The following PLXNA4 variants were observed in gnomAD, a reference collection of about 807,000 sequenced individuals.
The protein encoded by PLXNA4 is plexin A4.
A neutral mutation model predicts 191.8 loss-of-function variants in PLXNA4; 44 were observed. That is an observed-to-expected ratio of 0.23 (90% CI 0.18 to 0.29). The LOEUF is 0.29. Among genes scored for constraint, PLXNA4 ranks in the 10% least tolerant of loss-of-function variants. PLXNA4 has a pLI of 1.00. For missense variants in PLXNA4, 1,800 were observed against 2,488.8 expected (o/e 0.72, Z 5.89); for synonymous variants, 1,082 against 1,009.5 (o/e 1.07, Z -1.36).
intron 3 of PLXNA4, among the ~76,000 whole-genome samples, chr7:132,341,891 G>A (rs1011837480): frequency 2.0e-5 from 3 of 152,126 alleles, no homozygotes; most frequent in Non-Finnish European, 2.9e-5. Flanking sequence ...ATTATCTAAT[G>A]AGAAAAATAA....
At chr7:132,368,740 G>A (rs1327712282) in intron 3 of PLXNA4, among the ~76,000 whole-genome samples, 1 of 152,224 alleles carries the variant, frequency 6.6e-6, no homozygotes, top group African/African-American at 2.4e-5. Flanking sequence ...GCAGACGTCT[G>A]CTGAGGAGCT....
In PLXNA4 at chr7:132,203,319, A is replaced by G; in HGVS notation, c.2395+4T>C. Reference sequence around the variant, plus strand: ...TCCCCTGCTAGGCCCCAGCCCTTCCACACCTTTATTCTGAGCTGGGTTGTC... The same window carrying G: ...TCCCCTGCTAGGCCCCAGCCCTTCCGCACCTTTATTCTGAGCTGGGTTGTC... On this transcript the variant is annotated splice_donor_region_variant and intron_variant, in intron 11 of 31. Coordinates refer to ENST00000321063, the MANE Select transcript of PLXNA4 (RefSeq NM_020911.2). The G allele has an allele frequency of 6.2e-7, 1 of 1,608,996 alleles. No homozygotes were observed. The highest frequency in any genetic ancestry group is 1.7e-4 in the Middle Eastern group (1 of 6,054).
chr7:132,507,494 C>A lies in PLXNA4; in HGVS notation c.1188+12G>T. The A allele has an allele frequency of 6.2e-7, 1 of 1,602,374 alleles. No individual in the cohort carries two copies. The highest frequency in any genetic ancestry group is 8.5e-7 in the Non-Finnish European group (1 of 1,174,834). ...CCCAACCATCCCAGCGCGCAGCCCTCCCTGTACTCACCGCACTGCTGCAGG... is the reference window on the plus strand; with the variant it reads ...CCCAACCATCCCAGCGCGCAGCCCTACCTGTACTCACCGCACTGCTGCAGG... On this transcript the variant is annotated intron_variant, in intron 2 of 31. Coordinates refer to ENST00000321063, the MANE Select transcript of PLXNA4 (RefSeq NM_020911.2).
chr7:132,552,077 G>A (rs1280540212), intron 1 of PLXNA4, among the ~76,000 whole-genome samples: 1 of 152,152 alleles, frequency 6.6e-6, no homozygotes, highest in African/African-American at 2.4e-5. Context: ...ATGCAGCCAA[G>A]ATGCAGCCGA....
chr7:132,554,989 G>C (rs1800724945), intron 1 of PLXNA4, among the ~76,000 whole-genome samples: 1 of 142,924 alleles, frequency 7.0e-6, no homozygotes, highest in African/African-American at 2.7e-5. Context: ...TGAGCCAAGA[G>C]TCTCCTATCT....
At chr7:132,361,125 C>T (rs1803923904) in intron 3 of PLXNA4, among the ~76,000 whole-genome samples, 1 of 152,162 alleles carries the variant, frequency 6.6e-6, no homozygotes, top group South Asian at 2.1e-4. Flanking sequence ...TGGGTTGCTG[C>T]TCTGCTCCAG....
chr7:132,496,592 G>A (rs1001214980), intron 2 of PLXNA4, among the ~76,000 whole-genome samples: 28 of 152,212 alleles, frequency 1.8e-4, no homozygotes, highest in African/African-American at 6.3e-4. Flanking sequence ...AGTAGAGACG[G>A]GGTTTCACTA....
intron 3 of PLXNA4, among the ~76,000 whole-genome samples, chr7:132,412,677 A>G (rs915204440): frequency 6.6e-6 from 1 of 152,220 alleles, no homozygotes; most frequent in Non-Finnish European, 1.5e-5. Flanking sequence ...TTCTGTTTAC[A>G]TCTAGTTGTT....
intron 2 of PLXNA4, among the ~76,000 whole-genome samples, chr7:132,502,225 C>A (rs1459528726): frequency 1.3e-5 from 2 of 152,262 alleles, no homozygotes; most frequent in South Asian, 4.2e-4. Context: ...CAGCCCAAGT[C>A]CAAGGGGGTG....
intron 2 of PLXNA4, among the ~76,000 whole-genome samples, chr7:132,492,890 C>G (rs1296241659): frequency 1.3e-5 from 2 of 152,162 alleles, no homozygotes; most frequent in Non-Finnish European, 2.9e-5. Flanking sequence ...CTGCCTGGAA[C>G]AGGGGTAGAA....
intron 4 of PLXNA4, among the ~76,000 whole-genome samples, chr7:132,285,250 C>T (rs1159674810): frequency 6.6e-6 from 1 of 152,212 alleles, no homozygotes; most frequent in East Asian, 1.9e-4. Context: ...AATAACTTGT[C>T]CAAAGTCAAG....
intron 2 of PLXNA4, among the ~76,000 whole-genome samples, chr7:132,629,351 T>C (rs1585415857): frequency 6.6e-6 from 1 of 152,216 alleles, no homozygotes; most frequent in Non-Finnish European, 1.5e-5. Flanking sequence ...ACTAAAGTCA[T>C]AGATAGATAC....
chr7:132,602,393 C>G (rs2116841649), intron 2 of PLXNA4, among the ~76,000 whole-genome samples: 1 of 152,304 alleles, frequency 6.6e-6, no homozygotes, highest in East Asian at 1.9e-4. Flanking sequence ...GCTCTATAAC[C>G]TATACGACCA....
chr7:132,476,416 C>T (rs1439078248), intron 3 of PLXNA4, among the ~76,000 whole-genome samples: 3 of 152,202 alleles, frequency 2.0e-5, no homozygotes, highest in African/African-American at 7.2e-5. Flanking sequence ...TGGCAGTCTA[C>T]AAAATGACTT....
intron 3 of PLXNA4, among the ~76,000 whole-genome samples, chr7:132,325,967 A>G (rs1802341899): frequency 1.3e-5 from 2 of 152,112 alleles, no homozygotes; most frequent in Admixed American, 1.3e-4. Flanking sequence ...CCTTAATCCT[A>G]CGTGTCAACC....
intron 3 of PLXNA4, among the ~76,000 whole-genome samples, chr7:132,431,042 T>C (rs1795241659): frequency 6.6e-6 from 1 of 152,142 alleles, no homozygotes; most frequent in South Asian, 2.1e-4. Context: ...TTACTCCCTG[T>C]AAATGATCAG....
At chr7:132,626,804 C>G (rs1456678528) in intron 2 of PLXNA4, among the ~76,000 whole-genome samples, 2 of 152,188 alleles carry the variant, frequency 1.3e-5, no homozygotes, top group Admixed American at 1.3e-4. Flanking sequence ...AACTGTCTCA[C>G]TCAAGGTGCA....
intron 25 of PLXNA4, among the ~76,000 whole-genome samples, chr7:132,157,615 A>C (rs1410401104): frequency 2.0e-5 from 3 of 152,192 alleles, no homozygotes; most frequent in African/African-American, 7.2e-5. Context: ...TCCAGCATGA[A>C]GGAGCCTGCT....
chr7:132,422,406 G>A (rs868343392), intron 3 of PLXNA4, among the ~76,000 whole-genome samples: 2 of 152,174 alleles, frequency 1.3e-5, no homozygotes, highest in African/African-American at 2.4e-5. Context: ...AGAGAAGCAC[G>A]GAAGGATATG....
Sources: gnomAD v4.1 joint callset for allele counts (sites outside exome capture counted in the v4.1 genomes callset) on GRCh38, gnomAD v4.1.1 for gene constraint, MANE v1.5 for transcripts, NCBI Gene and HGNC (gene_info 2026-07-23, HGNC 2026-07-21) for gene names.